The following TTN variants were observed in gnomAD, a reference collection of about 807,000 sequenced individuals.
The protein encoded by TTN is connectin.
TTN carries 1,525 observed loss-of-function variants against 3,223.0 expected under a neutral mutation model. The ratio of observed to expected loss-of-function variants is 0.47; its 90% CI spans 0.45 to 0.49. The LOEUF (loss-of-function observed/expected upper bound fraction) is 0.49. TTN is among the 20% of genes least tolerant of loss of function. The pLI is 0.00. For missense variants in TTN, 40,786 were observed against 43,424.0 expected, an observed-to-expected ratio of 0.94 and a Z score of 5.40; for synonymous variants, 14,094 against 15,161.0, an observed-to-expected ratio of 0.93 and a Z score of 5.17.
chr2:178,598,362 G>T, intron 292 of TTN, 144 bp downstream of exon 292: 1 of 1,040,270 alleles, frequency 9.6e-7, no homozygotes, highest in Non-Finnish European at 1.4e-6. Context: ...GACATTAACA[G>T]ATGTTTGGAA....
rs55853696 is a variant in TTN, at chr2:178,741,514, G to C, written c.11719C>G (p.Leu3907Val). The C allele has an allele frequency of 2.0e-3, 3,207 of 1,613,810 alleles. 66 individuals carry two copies. In the African/African-American group the frequency reaches 0.037, roughly 19 times the overall value. The change falls in exon 48 of 363, where the codon CTA becomes GTA. Residue 3907 changes from leucine (L) to valine (V), a missense_variant. By Grantham distance (32) the Leu-to-Val change is conservative (BLOSUM62 1). Transcript: ENST00000589042. ...DYGKTICSAY[L>V]KINSKGEGHK... ...CCCTCTCCTTTGGAATTAATTTTTA[G>C]ATAGGCACTACATATTGTCTTTCCA...
intron 117 of TTN, chr2:178,694,388 A>T: frequency 4.3e-6 from 2 of 470,088 alleles, no homozygotes. Context: ...TAATAAAAAA[A>T]TGTAATTTTT....
Position 178,632,671 on chromosome 2 carries a change from C to T in TTN, c.43335G>A (p.Gln14445=), listed in dbSNP as rs770224374. The change falls in exon 235 of 363, where the codon CAG becomes CAA. Residue 14445 remains glutamine (Q), a synonymous_variant. Coordinates refer to ENST00000589042, the MANE Select transcript of TTN (RefSeq NM_001267550.2). The part of the protein sequence containing the change: ...PKTFRWLKGT[Q]EITGDDRFEL... Reference sequence around the variant, plus strand: ...CAAATCTGTCATCACCTGTGATTTCCTGGGTTCCTTTTAGCCAACGGAATG... The same window carrying T: ...CAAATCTGTCATCACCTGTGATTTCTTGGGTTCCTTTTAGCCAACGGAATG... 1 of 1,613,386 alleles carries T rather than the reference C, an allele frequency of 6.2e-7. No individual in the cohort carries two copies.
Position 178,677,645 on chromosome 2 carries a change from G to A in TTN, c.34267C>T (p.Pro11423Ser), listed in dbSNP as rs2068395300. Residue 11423 changes from proline (P) to serine (S), a missense_variant, in exon 146 of 363, where the codon CCT becomes TCT. Coordinates refer to ENST00000589042, the MANE Select transcript of TTN (RefSeq NM_001267550.2). ...CCTGGTGCAGGTACTGGCACCTTAG[G>A]TTTAACTTCTGGAAGGACTTCTTCT... ...PEEEVLPEVKPKVPVPAPVPE... is the reference protein window; with the variant it reads ...PEEEVLPEVKSKVPVPAPVPE... 1 of 1,611,536 alleles carries A rather than the reference G, an allele frequency of 6.2e-7. No individual in the cohort carries two copies. The highest frequency in any genetic ancestry group is 8.5e-7 in the Non-Finnish European group (1 of 1,178,610).
chr2:178,789,326 T>C, intron 13 of TTN, 34 bp downstream of exon 13: 3 of 1,611,892 alleles, frequency 1.9e-6, no homozygotes, highest in South Asian at 1.1e-5. Flanking sequence ...TGTATTATAA[T>C]AGGGGATTTC....
At chr2:178,528,018 G>A (rs1479868053) in intron 361 of TTN, 2 of 549,696 alleles carry the variant, frequency 3.6e-6, no homozygotes, top group Non-Finnish European at 6.3e-6. Context: ...CATATAGAAA[G>A]TAATTGACAT....
At chr2:178,600,735 A>G (rs2053162609) in intron 288 of TTN, 119 bp downstream of exon 288, 2 of 1,214,448 alleles carry the variant, frequency 1.6e-6, no homozygotes, top group East Asian at 2.4e-5. Context: ...CCATGTCTAC[A>G]TTCAAGCCAT....
At chr2:178,527,835 T>G in intron 361 of TTN, 87 bp from the exon 362 acceptor site, 2 of 1,262,738 alleles carry the variant, frequency 1.6e-6, no homozygotes, top group Non-Finnish European at 2.2e-6. Context: ...AATGGAAACT[T>G]CAACACACAC....
At position 178,790,739 on chromosome 2, in the gene TTN, T is replaced by C. The variant is rs1394389209; in HGVS notation, c.1769A>G (p.Gln590Arg). 1.9e-6 allele frequency: 3 copies of C among 1,614,084 alleles called. No individual in the cohort carries two copies. The highest frequency in any genetic ancestry group is 2.7e-5 in the African/African-American group (2 of 74,950). Reference sequence around the variant, plus strand: ...ATAACTTAGGTGCATTTGATCTTGTTGTGTGGTAGTTTCTTCTTGAGCTCC... The same window carrying C: ...ATAACTTAGGTGCATTTGATCTTGTCGTGTGGTAGTTTCTTCTTGAGCTCC... ...VPGAQEETTTQQDQMHLSYEK... is the reference protein window; with the variant it reads ...VPGAQEETTTRQDQMHLSYEK... The change falls in exon 11 of 363, where the codon CAA becomes CGA. Residue 590 changes from glutamine to arginine, a missense_variant. By Grantham distance (43) the Gln-to-Arg change is conservative. Coordinates refer to ENST00000589042, the MANE Select transcript of TTN (RefSeq NM_001267550.2).
rs751704572 is a variant in TTN, at chr2:178,566,263, C to G, written c.79869G>C (p.Glu26623Asp). The change falls in exon 326 of 363, where the codon GAG (glutamate) becomes GAC (aspartate). Residue 26623 changes from glutamate (E) to aspartate (D), a missense_variant. Glu to Asp is a conservative substitution (Grantham distance 45, BLOSUM62 2). Transcript: ENST00000589042. ...HIPFKGRPTPEITWSREEGEF... is the reference protein window; with the variant it reads ...HIPFKGRPTPDITWSREEGEF... ...CACCTTCCTCTCGAGACCAAGTGAT[C>G]TCAGGCGTTGGACGACCTTTGAATG... 6.2e-7 allele frequency: 1 copy of G among 1,613,582 alleles called. No homozygotes were observed. Among genetic ancestry groups the G allele is most frequent in the African/African-American group, 1.3e-5 (1 of 74,896 alleles).
Position 178,688,757 on chromosome 2 carries a change from A to C in TTN, c.32117T>G (p.Val10706Gly), listed in dbSNP as rs1264265252. Residue 10706 changes from valine to glycine, a missense_variant, in exon 126 of 363, where the codon GTT becomes GGT. Val to Gly is a moderately radical substitution (Grantham distance 109, BLOSUM62 -3). Coordinates refer to ENST00000589042, the MANE Select transcript of TTN (RefSeq NM_001267550.2). ...AGCAACAAATCTCTTTTCTTCTACA[A>C]CAGTTTTCTTAGAGACTTCAGCTTT... ...PPRAEVSKKT[V>G]VEEKRFVAEE... is the part of the protein sequence containing the mutation. The C allele has an allele frequency of 6.2e-7, 1 of 1,612,932 alleles. No individual in the cohort carries two copies. Among genetic ancestry groups the C allele is most frequent in the East Asian group, 2.2e-5 (1 of 44,876 alleles).
intron 24 of TTN, chr2:178,778,569 C>A: frequency 2.5e-6 from 1 of 396,150 alleles, no homozygotes; most frequent in Middle Eastern, 7.9e-4. Context: ...CAATAATAGT[C>A]ATCTTTTTAT....
rs560306385 is a variant in TTN, at chr2:178,537,647, T to G, written c.99560A>C (p.Lys33187Thr). Residue 33187 changes from lysine (K) to threonine (T), a missense_variant, in exon 355 of 363, where the codon AAG becomes ACG. Coordinates refer to ENST00000589042, the MANE Select transcript of TTN (RefSeq NM_001267550.2). ...NEVGEVETSS[K>T]LLLQATPQFH... ...CTGCGGTGTTGCTTGCAGGAGAAGCTTACTACTGGTTTCTACTTCTCCAAC... is the reference window on the plus strand; with the variant it reads ...CTGCGGTGTTGCTTGCAGGAGAAGCGTACTACTGGTTTCTACTTCTCCAAC... 55 of 1,613,752 alleles carry G rather than the reference T, an allele frequency of 3.4e-5. No homozygotes were observed. In the Admixed American group the frequency reaches 6.5e-4, roughly 19 times the overall value.
At position 178,724,488 on chromosome 2, in the gene TTN, C is replaced by T; in HGVS notation, c.20887G>A (p.Glu6963Lys). 1 of 1,609,188 alleles carries T rather than the reference C, an allele frequency of 6.2e-7. No individual in the cohort carries two copies. The highest frequency in any genetic ancestry group is 8.5e-7 in the Non-Finnish European group (1 of 1,176,212). ...ACCTTACACTCCAGAGTGCACGTTT[C>T]TCCTACAGTCACCGTCATCGGTCCT... The part of the protein sequence containing the change: ...KAGPMTVTVG[E>K]TCTLECKVAG... The change falls in exon 72 of 363, where the codon GAA becomes AAA. Residue 6963 changes from glutamate to lysine, a missense_variant. Physicochemically the swap from Glu to Lys is moderately conservative, Grantham distance 56. Coordinates refer to ENST00000589042, the MANE Select transcript of TTN (RefSeq NM_001267550.2).
chr2:178,586,974 C>T, intron 307 of TTN, 144 bp downstream of exon 307: 1 of 1,368,168 alleles, frequency 7.3e-7, no homozygotes, highest in Admixed American at 2.2e-5. Context: ...AAAAGTGTTT[C>T]ATGAGTGAGA....
Position 178,675,715 on chromosome 2 carries a change from A to T in TTN, c.34493T>A (p.Val11498Asp). The T allele has an allele frequency of 7.0e-7, 1 of 1,429,524 alleles. No individual in the cohort carries two copies. Among genetic ancestry groups the T allele is most frequent in the Non-Finnish European group, 9.1e-7 (1 of 1,100,852 alleles). The allele number at this position is 1,429,524 out of a possible 1,614,324, so 88.6% of individuals were successfully genotyped here. Reference protein sequence around the residue: ...VPKKPEPEKKVPPPGLKKAVA... With the variant: ...VPKKPEPEKKDPPPGLKKAVA... ...TGCTTTCTTAAGACCAGGAGGAGGGACCTTCTTTTCTGGCTCAGGTTTCTT... is the reference window on the plus strand; with the variant it reads ...TGCTTTCTTAAGACCAGGAGGAGGGTCCTTCTTTTCTGGCTCAGGTTTCTT... Residue 11498 changes from valine (V) to aspartate (D), a missense_variant, in exon 149 of 363, where the codon GTC becomes GAC. Physicochemically the swap from Val to Asp is radical, Grantham distance 152. Transcript: ENST00000589042.
chr2:178,652,351 G>C lies in TTN; in HGVS notation c.39128-4C>G, dbSNP rs1255794224. On this transcript the variant is annotated splice_region_variant and splice_polypyrimidine_tract_variant and intron_variant, in intron 202 of 362. Coordinates refer to ENST00000589042, the MANE Select transcript of TTN (RefSeq NM_001267550.2). ...ACTTCTTTGGGAGCCTCAGGCACTT[G>C]AAAGATAATAGTGAAATTACATTTA... 1.9e-6 allele frequency: 3 copies of C among 1,610,926 alleles called. No homozygotes were observed. Among genetic ancestry groups the C allele is most frequent in the East Asian group, 2.2e-5 (1 of 44,618 alleles).
At chr2:178,659,518 A>T (rs1320168855) in intron 180 of TTN, among the ~76,000 whole-genome samples, 5 of 150,024 alleles carry the variant, frequency 3.3e-5, no homozygotes, top group African/African-American at 1.2e-4. Flanking sequence ...GACTCTCAAT[A>T]AATTAGGTAT....
rs2072550096 is a variant in TTN, at chr2:178,691,936, C to T, written c.31762+80G>A. On this transcript the variant is annotated intron_variant, in intron 121 of 362. Coordinates refer to ENST00000589042, the MANE Select transcript of TTN (RefSeq NM_001267550.2). ...TAAAAGAGACAAAAGACAAAGGCAGCATAGTACATATGAAGATCGTAGAAA... is the reference window on the plus strand; with the variant it reads ...TAAAAGAGACAAAAGACAAAGGCAGTATAGTACATATGAAGATCGTAGAAA... 5 of 1,162,832 alleles carry T rather than the reference C, an allele frequency of 4.3e-6. 1 individual carries two copies. In the South Asian group the frequency reaches 4.8e-5, roughly 11 times the overall value. 72.0% of individuals were successfully genotyped at this position (1,162,832 alleles called of 1,614,324 possible). A position where few individuals can be genotyped will look rare whatever the true frequency, so the allele number is the denominator to read the frequency against.
Sources: gnomAD v4.1 joint callset for allele counts (sites outside exome capture counted in the v4.1 genomes callset) on GRCh38, gnomAD v4.1.1 for gene constraint, MANE v1.5 for transcripts, NCBI Gene and HGNC (gene_info 2026-07-23, HGNC 2026-07-21) for gene names.